The following RACGAP1 variants were observed in gnomAD, a reference collection of about 807,000 sequenced individuals.
RACGAP1 encodes the protein rac GTPase-activating protein 1.
A neutral mutation model predicts 78.1 loss-of-function variants in RACGAP1; 30 were observed. The observed-to-expected ratio is 0.38, with a 90% CI of 0.29 to 0.52. RACGAP1 has a LOEUF of 0.52. RACGAP1 is among the 20% of genes least tolerant of loss of function. The pLI is 0.82. For synonymous variants in RACGAP1, 231 were observed against 264.8 expected, an observed-to-expected ratio of 0.87 and a Z score of 1.24; for missense variants, 587 against 777.1, an observed-to-expected ratio of 0.76 and a Z score of 2.91.
Position 49,989,908 on chromosome 12 carries a change from T to C in RACGAP1, c.*360A>G, listed in dbSNP as rs1947721271. On this transcript the variant is annotated 3_prime_UTR_variant, in exon 17 of 17. Coordinates refer to ENST00000312377, the MANE Select transcript of RACGAP1 (RefSeq NM_001319999.2). ...GTCATTGTCTCACGGAAATCAGTTC[T>C]AAATGAAACTAGAGAAAGATCATTC... 1 of 184,372 alleles carries C rather than the reference T, an allele frequency of 5.4e-6. No homozygotes were observed. Among genetic ancestry groups the C allele is most frequent in the East Asian group, 1.3e-4 (1 of 7,696 alleles). 11.4% of individuals were successfully genotyped at this position (184,372 alleles called of 1,614,324 possible).
upstream of RACGAP1, among the ~76,000 whole-genome samples, chr12:50,030,334 G>A (rs1200204219): frequency 7.1e-6 from 1 of 140,022 alleles, no homozygotes; most frequent in Non-Finnish European, 1.5e-5. Flanking sequence ...GAGTGACAGA[G>A]CAAGACCTTG....
At chr12:49,999,523 C>T (rs1404413088) in intron 8 of RACGAP1, 93 bp downstream of exon 8, 31 of 1,161,984 alleles carry the variant, frequency 2.7e-5, no homozygotes, top group Non-Finnish European at 3.3e-5. Flanking sequence ...CCAATACATC[C>T]AATCCCCGCC....
chr12:50,027,202 A>G (rs1950284458), upstream of RACGAP1, among the ~76,000 whole-genome samples: 1 of 152,228 alleles, frequency 6.6e-6, no homozygotes, highest in African/African-American at 2.4e-5. Context: ...TGAAGAAAGA[A>G]AATATGAACT....
At chr12:50,025,573 G>A (rs980748928), upstream of RACGAP1, 10 of 980,782 alleles carry the variant, frequency 1.0e-5, no homozygotes, top group South Asian at 2.4e-4. Flanking sequence ...AGGGCCACGC[G>A]GAGGTGACGG....
At chr12:50,010,618 C>T (rs528071297) in intron 2 of RACGAP1, among the ~76,000 whole-genome samples, 9 of 151,876 alleles carry the variant, frequency 5.9e-5, no homozygotes, top group Middle Eastern at 3.5e-3. Flanking sequence ...CCACTTTGCC[C>T]GGCCCGGACT....
intron 16 of RACGAP1, 148 bp from the exon 17 acceptor site, chr12:49,990,491 C>T (rs1947760899): frequency 2.4e-6 from 2 of 836,872 alleles, no homozygotes; most frequent in East Asian, 5.4e-5. Flanking sequence ...TAGTCACCAA[C>T]AACGAGAGAG....
At chr12:50,023,406 A>G (rs954199254) in intron 1 of RACGAP1, among the ~76,000 whole-genome samples, 1 of 152,224 alleles carries the variant, frequency 6.6e-6, no homozygotes, top group African/African-American at 2.4e-5. Flanking sequence ...ACTGTCTTCT[A>G]CTTACACTTT....
At chr12:50,029,215 CAAA>C (rs1223077511), upstream of RACGAP1, among the ~76,000 whole-genome samples, 2 of 72,664 alleles carry the variant, frequency 2.8e-5, no homozygotes, top group African/African-American at 4.6e-5. Flanking sequence ...GACTCCATCT[CAAA>C]AAAAAAAAAA....
rs746089106 is a variant in RACGAP1, at chr12:49,990,226, T to C, written c.*42A>G. ...GAGCAGAGTACAGATGTGTCCTTTC[T>C]TATAGTCAGTCAATGCTGGGAAGTA... On this transcript the variant is annotated 3_prime_UTR_variant, in exon 17 of 17. Transcript: ENST00000312377. 1.3e-6 allele frequency: 2 copies of C among 1,529,996 alleles called. No individual in the cohort carries two copies. Among genetic ancestry groups the C allele is most frequent in the South Asian group, 2.2e-5 (2 of 89,380 alleles). The allele number at this position is 1,529,996 out of a possible 1,614,324, so 94.8% of individuals were successfully genotyped here.
Position 50,009,812 on chromosome 12 carries a change from C to A in RACGAP1, c.86-3176G>T, listed in dbSNP as rs376984534. Among the ~76,000 whole-genome samples, 62 of 152,348 alleles carry A rather than the reference C, an allele frequency of 4.1e-4. 2 individuals carry two copies. The South Asian group carries it at 0.012, about 28-fold the overall frequency. ...TCCTGCCTTCTCACTTGTGACCAAGCTATGCACTCCAAATGGAATGCCCTA... is the reference window on the plus strand; with the variant it reads ...TCCTGCCTTCTCACTTGTGACCAAGATATGCACTCCAAATGGAATGCCCTA... On this transcript the variant is annotated intron_variant, in intron 2 of 16. Transcript: ENST00000312377.
intron 15 of RACGAP1, among the ~76,000 whole-genome samples, chr12:49,991,608 C>T (rs945358858): frequency 1.4e-5 from 2 of 148,146 alleles, no homozygotes; most frequent in African/African-American, 5.0e-5. Flanking sequence ...TGTGCCTCAG[C>T]CGCCCTGGTA....
chr12:50,003,014 ACT>A (rs1309168192), intron 5 of RACGAP1, among the ~76,000 whole-genome samples: 8 of 134,810 alleles, frequency 5.9e-5, no homozygotes, highest in Non-Finnish European at 3.1e-5. Flanking sequence ...ACAGAGTGAG[ACT>A]CTGTCTCAAA....
intron 2 of RACGAP1, chr12:50,031,645 C>T: frequency 1.0e-6 from 1 of 979,596 alleles, no homozygotes; most frequent in South Asian, 4.7e-5. Flanking sequence ...CCAGCACTCT[C>T]CGGAACTTCC....
chr12:50,002,403 C>A, intron 5 of RACGAP1, 103 bp from the exon 6 acceptor site: 1 of 926,066 alleles, frequency 1.1e-6, no homozygotes, highest in South Asian at 1.7e-5. Flanking sequence ...TTCAGTCAGG[C>A]TACCTAACGT....
chr12:49,991,479 A>ATTTTT lies in RACGAP1; in HGVS notation c.1714+514_1714+518dup, dbSNP rs1197357619. Among the ~76,000 whole-genome samples, 13 of 24,092 alleles carry ATTTTT rather than the reference A, an allele frequency of 5.4e-4. 2 individuals are homozygous for ATTTTT. The highest frequency in any genetic ancestry group is 1.8e-3 in the African/African-American group (13 of 7,098). 15.8% of individuals were successfully genotyped at this position (24,092 alleles called of 152,430 possible). A position where few individuals can be genotyped will look rare whatever the true frequency, so the allele number is the denominator to read the frequency against. ...CTATTATATATATATATATATATAT[A>ATTTTT]TTTTTTTTTTTTTTTTTTTTTTTTT... On this transcript the variant is annotated intron_variant, in intron 15 of 16. Coordinates refer to ENST00000312377, the MANE Select transcript of RACGAP1 (RefSeq NM_001319999.2).
chr12:49,991,435 AGAAT>A (rs2137213895), intron 15 of RACGAP1, among the ~76,000 whole-genome samples: 1 of 132,384 alleles, frequency 7.6e-6, no homozygotes, highest in East Asian at 2.2e-4. Flanking sequence ...AAGTGAAATA[AGAAT>A]GAATTATATT....
intron 15 of RACGAP1, 44 bp downstream of exon 15, chr12:49,991,954 A>G (rs1461454021): frequency 1.2e-6 from 2 of 1,605,706 alleles, no homozygotes; most frequent in South Asian, 1.1e-5. Flanking sequence ...GACTAAAACT[A>G]AAGAGAGAGT....
At chr12:50,017,022 C>A in intron 1 of RACGAP1, 2 of 1,104,720 alleles carry the variant, frequency 1.8e-6, no homozygotes, top group Non-Finnish European at 2.2e-6. Flanking sequence ...AAGTGACTGA[C>A]CAACAAGAAA....
intron 12 of RACGAP1, among the ~76,000 whole-genome samples, 153 bp from the exon 13 acceptor site, chr12:49,992,808 C>T (rs114859025): frequency 1.3e-5 from 2 of 152,166 alleles, no homozygotes; most frequent in Non-Finnish European, 2.9e-5. Flanking sequence ...CATTAACAAG[C>T]AGGATACTGG....
Sources: allele counts gnomAD v4.1 joint callset (sites outside exome capture counted in the v4.1 genomes callset), GRCh38; gene constraint gnomAD v4.1.1; transcripts MANE v1.5; gene names NCBI Gene and HGNC (gene_info 2026-07-23, HGNC 2026-07-21).